SPTLC3: variants seen among roughly 807,000 people sequenced by gnomAD.
SPTLC3 encodes the protein serine palmitoyltransferase long chain base subunit 3.
In SPTLC3, 36 loss-of-function variants were observed where a neutral mutation model predicts 59.3. That is an observed-to-expected ratio of 0.61 (90% confidence interval 0.47 to 0.80). SPTLC3 has a LOEUF of 0.80. Among genes scored for constraint, SPTLC3 ranks in the 30% least tolerant of loss-of-function variants. The probability of loss-of-function intolerance (pLI) is 0.00; values close to 1 mark genes in which losing one functional copy is unlikely to be tolerated. For synonymous variants in SPTLC3, 257 were observed against 240.8 expected, an observed-to-expected ratio of 1.07 and a Z score of -0.62; for missense variants, 625 against 685.1, an observed-to-expected ratio of 0.91 and a Z score of 0.98.
chr20:13,054,473 G>T (rs1475430913), intron 2 of SPTLC3, among the ~76,000 whole-genome samples: 1 of 152,204 alleles, frequency 6.6e-6, no homozygotes, highest in Non-Finnish European at 1.5e-5. Flanking sequence ...TAGGTGAGAT[G>T]GTTGGCCTGG....
At chr20:13,030,321 G>A (rs558148230) in intron 1 of SPTLC3, among the ~76,000 whole-genome samples, 25 of 152,166 alleles carry the variant, frequency 1.6e-4, no homozygotes, top group Non-Finnish European at 3.4e-4. Flanking sequence ...AACTAAGTAA[G>A]CTGGACTCAT....
rs575529457 is a variant in SPTLC3 at position 13,073,026 on chromosome 20, C to T, written c.458+616C>T. Among the ~76,000 whole-genome samples, 136 of 152,242 alleles carry T rather than the reference C, an allele frequency of 8.9e-4. 3 individuals carry two copies. In the South Asian group the frequency reaches 0.013, roughly 14 times the overall value. On this transcript the variant is annotated intron_variant, in intron 3 of 11. Coordinates refer to ENST00000399002, the MANE Select transcript of SPTLC3 (RefSeq NM_018327.4). ...ATCAAATCAGTGTACTTGGGGCATC[C>T]ATCATCTTAAATATTTGTCTTTTTT...
chr20:13,097,001 A>G (rs950550966), intron 6 of SPTLC3, among the ~76,000 whole-genome samples: 1 of 152,082 alleles, frequency 6.6e-6, no homozygotes, highest in African/African-American at 2.4e-5. Context: ...GTGGTTGGAA[A>G]AGGCATATAA....
intron 4 of SPTLC3, among the ~76,000 whole-genome samples, chr20:13,082,336 T>C (rs1056414365): frequency 6.6e-6 from 1 of 152,206 alleles, no homozygotes; most frequent in Non-Finnish European, 1.5e-5. Context: ...TGAGTCCCAC[T>C]GGAGAGCCAT....
intron 6 of SPTLC3, among the ~76,000 whole-genome samples, chr20:13,105,172 A>G (rs1989810467): frequency 6.6e-6 from 1 of 152,118 alleles, no homozygotes; most frequent in South Asian, 2.1e-4. Flanking sequence ...GCCAGGGGCT[A>G]AGGTGGGGCC....
intron 1 of SPTLC3, among the ~76,000 whole-genome samples, chr20:13,012,307 A>G (rs1985294925): frequency 6.6e-6 from 1 of 152,216 alleles, no homozygotes. Context: ...TTCAAGGTTT[A>G]TTGAGTTCTT....
At chr20:13,131,616 C>T (rs574545548) in intron 9 of SPTLC3, among the ~76,000 whole-genome samples, 7 of 152,264 alleles carry the variant, frequency 4.6e-5, no homozygotes, top group Admixed American at 3.3e-4. Flanking sequence ...TTAGCAACTC[C>T]CACACACTCT....
At chr20:13,030,265 A>T (rs1986372244) in intron 1 of SPTLC3, among the ~76,000 whole-genome samples, 1 of 152,188 alleles carries the variant, frequency 6.6e-6, no homozygotes. Context: ...GGAATTTAGG[A>T]GACTAGCCTT....
intron 1 of SPTLC3, among the ~76,000 whole-genome samples, chr20:13,011,326 G>T (rs1256662700): frequency 1.3e-5 from 2 of 152,072 alleles, no homozygotes; most frequent in African/African-American, 4.8e-5. Flanking sequence ...GTCTGCAAAG[G>T]CTTACAGAAT....
intron 2 of SPTLC3, 184 bp downstream of exon 2, chr20:13,049,314 A>T (rs369632295): frequency 3.1e-6 from 2 of 644,302 alleles, no homozygotes; most frequent in African/African-American, 1.8e-5. Context: ...TGTTTTTACA[A>T]ACATCTCATG....
chr20:13,041,576 G>A (rs1986982040), intron 1 of SPTLC3, among the ~76,000 whole-genome samples: 1 of 152,100 alleles, frequency 6.6e-6, no homozygotes, highest in South Asian at 2.1e-4. Context: ...CCACGTGGCT[G>A]TATTTACTAA....
At chr20:13,049,898 G>T (rs746381497) in intron 2 of SPTLC3, 3 of 152,188 alleles carry the variant, frequency 2.0e-5, no homozygotes, top group Non-Finnish European at 4.4e-5. Flanking sequence ...CATAGGAAAA[G>T]GGGGAGAGTA....
At chr20:13,078,857 T>C (rs3848770) in intron 4 of SPTLC3, among the ~76,000 whole-genome samples, 116,447 of 152,002 alleles carry the variant, frequency 0.77, 44,931 homozygotes, top group African/African-American at 0.84. Flanking sequence ...CCACTCGAAA[T>C]AGAGTTTTGG....
chr20:13,071,974 C>T (rs962805947), intron 2 of SPTLC3, among the ~76,000 whole-genome samples: 1 of 152,324 alleles, frequency 6.6e-6, no homozygotes, highest in Non-Finnish European at 1.5e-5. Flanking sequence ...ACCTGTGTTA[C>T]CCTTAGAGAA....
At chr20:13,124,690 G>A (rs1056550773) in intron 8 of SPTLC3, among the ~76,000 whole-genome samples, 6 of 152,064 alleles carry the variant, frequency 3.9e-5, no homozygotes, top group African/African-American at 1.2e-4. Flanking sequence ...AACCTTCACC[G>A]ACCACTGTAA....
At chr20:13,120,384 C>T (rs1351847178) in intron 8 of SPTLC3, among the ~76,000 whole-genome samples, 1 of 152,324 alleles carries the variant, frequency 6.6e-6, no homozygotes, top group South Asian at 2.1e-4. Flanking sequence ...TACACACATT[C>T]AGACTTGCTG....
At chr20:13,154,202 G>T in intron 10 of SPTLC3, 64 bp downstream of exon 10, 1 of 1,595,062 alleles carries the variant, frequency 6.3e-7, no homozygotes, top group Non-Finnish European at 8.5e-7. Flanking sequence ...TGGCTTTTTG[G>T]CACAGGCGTT....
At chr20:13,095,293 T>C (rs1400050341) in intron 6 of SPTLC3, among the ~76,000 whole-genome samples, 1 of 152,170 alleles carries the variant, frequency 6.6e-6, no homozygotes, top group Non-Finnish European at 1.5e-5. Flanking sequence ...CAGAGAGACG[T>C]AGTCGGGGTG....
At chr20:13,126,542 G>A (rs1284778469) in intron 8 of SPTLC3, 49 bp from the exon 9 acceptor site, 4 of 1,605,186 alleles carry the variant, frequency 2.5e-6, no homozygotes, top group Non-Finnish European at 3.4e-6. Flanking sequence ...CCCACCACCA[G>A]TGTTGAGATT....
Sources: gnomAD v4.1 joint callset for allele counts (sites outside exome capture counted in the v4.1 genomes callset) on GRCh38, gnomAD v4.1.1 for gene constraint, MANE v1.5 for transcripts, NCBI Gene and HGNC (gene_info 2026-07-23, HGNC 2026-07-21) for gene names.